Variants in CELF2 observed in about 807,000 individuals in gnomAD.
CELF2 encodes the protein CUGBP Elav-like family member 2.
In CELF2, 8 loss-of-function variants were observed where a neutral mutation model predicts 62.6. The ratio of observed to expected loss-of-function variants is 0.13; its 90% CI spans 0.07 to 0.23. CELF2 has a LOEUF of 0.23. CELF2 is among the 10% of genes least tolerant of loss of function. The pLI, the probability that CELF2 is intolerant of heterozygous loss-of-function variation, is 1.00. For synonymous variants in CELF2, 258 were observed against 250.0 expected, an observed-to-expected ratio of 1.03 and a Z score of -0.30; for missense variants, 333 against 671.0, an observed-to-expected ratio of 0.50 and a Z score of 5.56.
chr10:10,540,529 T>C, the CELF2 span, among the ~76,000 whole-genome samples: 4 of 152,280 alleles, frequency 2.6e-5, no homozygotes, highest in South Asian at 8.3e-4. Context: ...CCAGGAGACC[T>C]AGCTCCCCAT....
At chr10:10,840,643 A>G (rs892971870) in intron 1 of CELF2, among the ~76,000 whole-genome samples, 2 of 152,044 alleles carry the variant, frequency 1.3e-5, no homozygotes, top group African/African-American at 4.8e-5. Context: ...TTTTTTTCCA[A>G]ACTGTGGCTT....
intron 1 of CELF2, among the ~76,000 whole-genome samples, chr10:11,144,972 C>A (rs1036823031): frequency 3.3e-5 from 5 of 150,052 alleles, no homozygotes; most frequent in Non-Finnish European, 5.9e-5. Flanking sequence ...TGAAAATATG[C>A]GAAGCTGTAA....
At chr10:10,880,658 C>G (rs1326726643) in intron 1 of CELF2, among the ~76,000 whole-genome samples, 2 of 152,108 alleles carry the variant, frequency 1.3e-5, no homozygotes, top group African/African-American at 4.8e-5. Flanking sequence ...TGGGAAACAC[C>G]AAAAGGAAGG....
chr10:11,050,434 G>A (rs969933662), intron 1 of CELF2, among the ~76,000 whole-genome samples: 4 of 152,214 alleles, frequency 2.6e-5, no homozygotes, highest in African/African-American at 9.7e-5. Context: ...GTCATGGCGA[G>A]CAGAAGACAT....
chr10:10,702,396 C>T, the CELF2 span, among the ~76,000 whole-genome samples: 1 of 152,156 alleles, frequency 6.6e-6, no homozygotes, highest in Admixed American at 6.5e-5. Flanking sequence ...GAAATTTAAC[C>T]TTGCTAAGGA....
chr10:10,957,705 G>C lies in CELF2; in HGVS notation c.89+37706G>C, dbSNP rs574376537. On this transcript the variant is annotated intron_variant, in intron 2 of 13. Transcript: ENST00000636488. This position sits in a 1 kb window ranked among gnomAD's most constrained non-coding sequence, Gnocchi z 4.1. ...TTCTCCAGCTTCTCCTTGCTCACATGTCTTCAAAAGAGTTGGTAGCTGGTG... is the reference window on the plus strand; with the variant it reads ...TTCTCCAGCTTCTCCTTGCTCACATCTCTTCAAAAGAGTTGGTAGCTGGTG... 2.0e-5 allele frequency among the ~76,000 whole-genome samples: 3 copies of C among 152,288 alleles called. No homozygotes were observed. The South Asian group carries it at 6.2e-4, about 32-fold the overall frequency.
intron 1 of CELF2, among the ~76,000 whole-genome samples, chr10:11,058,087 G>A (rs1298843477): frequency 2.0e-5 from 3 of 147,474 alleles, no homozygotes; most frequent in Non-Finnish European, 3.0e-5. Context: ...AAAAAAAAAC[G>A]GAATCTAATG....
intron 2 of CELF2, chr10:10,935,437 T>G (rs1471099555): frequency 6.6e-6 from 1 of 152,218 alleles, no homozygotes; most frequent in Non-Finnish European, 1.5e-5. Flanking sequence ...GAGATGAGTT[T>G]GAGACAGTGC....
At chr10:10,474,752 T>C in the CELF2 span, among the ~76,000 whole-genome samples, 1 of 152,086 alleles carries the variant, frequency 6.6e-6, no homozygotes, top group African/African-American at 2.4e-5. Context: ...TGAAGACTTT[T>C]TGTTTTTAAA....
rs1043467819 is a variant in CELF2, at chr10:11,274,965, A to C, written c.778-92A>C. ...AGTAGGGAGTAGCAACCAACCCTGG[A>C]AATGCAGAGTAAACTGAATTTGTCC... On this transcript the variant is annotated intron_variant, in intron 7 of 12. Coordinates refer to ENST00000633077, the MANE Select transcript of CELF2 (RefSeq NM_001326342.2). 32 of 1,233,294 alleles carry C rather than the reference A, an allele frequency of 2.6e-5. No homozygotes were observed. The East Asian group carries it at 7.5e-4, about 29-fold the overall frequency. 76.4% of individuals were successfully genotyped at this position (1,233,294 alleles called of 1,614,324 possible).
rs183088366 is a variant in CELF2, at chr10:11,269,111, C to T, written c.619-1555C>T. On this transcript the variant is annotated intron_variant, in intron 6 of 12. Transcript: ENST00000633077. The surrounding 1 kb of genome is among the most constrained non-coding windows in gnomAD (Gnocchi z 4.4). ...GGAACAATGACAACCCTTTTCCATG[C>T]AAAACCCCCTCTCTACATAATCTTC... Among the ~76,000 whole-genome samples, 19 of 152,250 alleles carry T rather than the reference C, an allele frequency of 1.2e-4. No homozygotes were observed. In the East Asian group the frequency reaches 3.5e-3, roughly 28 times the overall value.
chr10:10,920,022 T>C (rs1474996518), intron 2 of CELF2: 5 of 1,228,690 alleles, frequency 4.1e-6, no homozygotes, highest in Non-Finnish European at 4.1e-6. Flanking sequence ...GCTTTGCTTA[T>C]TCTATGCCCG....
chr10:10,752,670 C>A, the CELF2 span, among the ~76,000 whole-genome samples: 1 of 107,340 alleles, frequency 9.3e-6, no homozygotes, highest in South Asian at 2.9e-4. Context: ...AGCCTGATGA[C>A]AGAGCAAGAC....
At chr10:11,022,244 C>T (rs757905126) in intron 1 of CELF2, among the ~76,000 whole-genome samples, 1 of 152,176 alleles carries the variant, frequency 6.6e-6, no homozygotes, top group Non-Finnish European at 1.5e-5. Context: ...GTTAACAGCA[C>T]ATGTTATCAG....
intron 1 of CELF2, among the ~76,000 whole-genome samples, chr10:11,051,270 G>T (rs2063863738): frequency 6.6e-6 from 1 of 152,178 alleles, no homozygotes; most frequent in Admixed American, 6.5e-5. Flanking sequence ...TGATACAGAT[G>T]CTATCTTGAA....
At chr10:10,530,349 AG>A in the CELF2 span, among the ~76,000 whole-genome samples, 1 of 152,228 alleles carries the variant, frequency 6.6e-6, no homozygotes, top group Non-Finnish European at 1.5e-5. Flanking sequence ...ATAGTTTGCA[AG>A]AATAAATATT....
chr10:10,795,328 G>T (rs1195913784), upstream of CELF2, among the ~76,000 whole-genome samples: 1 of 148,326 alleles, frequency 6.7e-6, no homozygotes, highest in East Asian at 2.0e-4. Flanking sequence ...TTTTTTTTAT[G>T]TAAAGGGGTA....
At chr10:10,686,648 C>A in the CELF2 span, among the ~76,000 whole-genome samples, 1 of 152,170 alleles carries the variant, frequency 6.6e-6, no homozygotes, top group Non-Finnish European at 1.5e-5. Context: ...CTTCACTTGG[C>A]TCTTGCTTCT....
At chr10:10,968,327 T>C (rs548232578) in intron 2 of CELF2, among the ~76,000 whole-genome samples, 1 of 152,346 alleles carries the variant, frequency 6.6e-6, no homozygotes, top group East Asian at 1.9e-4. Flanking sequence ...ACAATCTGTG[T>C]TCCATTCCAC....
Sources: gnomAD v4.1 joint callset for allele counts (sites outside exome capture counted in the v4.1 genomes callset) on GRCh38, gnomAD v4.1.1 for gene constraint, Gnocchi (gnomAD v3.1) non-coding constraint, MANE v1.5 for transcripts, NCBI Gene and HGNC (gene_info 2026-07-23, HGNC 2026-07-21) for gene names.